RASGRF2: variants seen among roughly 807,000 people sequenced by gnomAD.
RASGRF2 encodes the protein Ras protein specific guanine nucleotide releasing factor 2, also known as ras-specific guanine nucleotide-releasing factor 2.
Under a neutral mutation model 151.0 loss-of-function variants are expected in RASGRF2, and 76 were observed. The observed-to-expected ratio is 0.50, with a 90% CI of 0.42 to 0.61. The LOEUF (loss-of-function observed/expected upper bound fraction) is 0.61. Among genes scored for constraint, RASGRF2 ranks in the 20% least tolerant of loss-of-function variants. The probability of loss-of-function intolerance (pLI) is 0.00; values close to 1 mark genes in which losing one functional copy is unlikely to be tolerated. For synonymous variants in RASGRF2, 504 were observed against 566.5 expected, an observed-to-expected ratio of 0.89 and a Z score of 1.57; for missense variants, 1,148 against 1,564.6, an observed-to-expected ratio of 0.73 and a Z score of 4.49.
chr5:81,183,564 T>C lies in RASGRF2; in HGVS notation c.2793+3283T>C, dbSNP rs150969521. Among the ~76,000 whole-genome samples the C allele has an allele frequency of 2.7e-3, 405 of 152,370 alleles. 1 individual carries two copies. Among genetic ancestry groups the C allele is most frequent in the African/African-American group, 9.4e-3 (392 of 41,594 alleles). On this transcript the variant is annotated intron_variant, in intron 18 of 26. Coordinates refer to ENST00000265080, the MANE Select transcript of RASGRF2 (RefSeq NM_006909.3). ...AGGGGGTTCTAAAAATCTTCCTATGTGAATACATTCTGGCCTATTGCTCCT... is the reference window on the plus strand; with the variant it reads ...AGGGGGTTCTAAAAATCTTCCTATGCGAATACATTCTGGCCTATTGCTCCT...
intron 19 of RASGRF2, among the ~76,000 whole-genome samples, chr5:81,202,747 TAAG>T (rs1755425680): frequency 6.6e-6 from 1 of 152,222 alleles, no homozygotes. Flanking sequence ...GGTGTCCTTA[TAAG>T]AAGTCAACCA....
chr5:81,129,796 C>A (rs921505236), intron 17 of RASGRF2, among the ~76,000 whole-genome samples: 4 of 152,064 alleles, frequency 2.6e-5, no homozygotes, highest in African/African-American at 7.2e-5. Flanking sequence ...CGCTAGTCTG[C>A]CTTTGGAAAA....
At chr5:81,085,271 C>CA (rs57811063) in intron 7 of RASGRF2, among the ~76,000 whole-genome samples, 41,531 of 151,962 alleles carry the variant, frequency 0.27, 5,796 homozygotes, top group Middle Eastern at 0.47. Context: ...AACAAAAGTA[C>CA]AAATAAATAA....
intron 17 of RASGRF2, among the ~76,000 whole-genome samples, chr5:81,153,629 T>G (rs1049567635): frequency 4.6e-5 from 7 of 152,174 alleles, no homozygotes; most frequent in African/African-American, 1.2e-4. Flanking sequence ...ACTAAATTCA[T>G]GGTAATTTGT....
Position 81,068,090 on chromosome 5 carries a change from C to T in RASGRF2, c.454C>T (p.Gln152Ter). 6.2e-7 allele frequency: 1 copy of T among 1,613,512 alleles called. No homozygotes were observed. Among genetic ancestry groups the T allele is most frequent in the Non-Finnish European group, 8.5e-7 (1 of 1,179,666 alleles). ...AATGCAGAAGTACATTCATCTAGTT[C>T]AGATCGTAGAGACAGAAAAAATTGC... The part of the protein sequence containing the change: ...VLMQKYIHLV[Q>*]IVETEKIAAN... Residue 152 changes from glutamine to a stop codon, truncating the protein, a stop_gained, in exon 3 of 27, where the codon CAG becomes TAG. Transcript: ENST00000265080. LOFTEE classifies it high-confidence loss of function.
At chr5:81,125,806 T>A (rs1753437625) in intron 16 of RASGRF2, among the ~76,000 whole-genome samples, 1 of 152,270 alleles carries the variant, frequency 6.6e-6, no homozygotes, top group Non-Finnish European at 1.5e-5. Context: ...ATCCTTTGTT[T>A]CTTCCCTGAT....
intron 16 of RASGRF2, among the ~76,000 whole-genome samples, chr5:81,125,356 A>C (rs1355515707): frequency 6.6e-6 from 1 of 152,180 alleles, no homozygotes. Context: ...GGCTGTTGTT[A>C]GATGTCTGCC....
Position 81,216,006 on chromosome 5 carries a change from A to G in RASGRF2, c.3434+51A>G, listed in dbSNP as rs531501786. On this transcript the variant is annotated intron_variant, in intron 24 of 26. Transcript: ENST00000265080. ...ATTCATAATTCAGAAATATATTTAC[A>G]TAATGTATATAGTATACAAACAGTG... The G allele has an allele frequency of 6.1e-5, 86 of 1,413,332 alleles. No homozygotes were observed. The South Asian group carries it at 1.2e-3, about 19-fold the overall frequency. The allele number at this position is 1,413,332 out of a possible 1,614,324, so 87.5% of individuals were successfully genotyped here. A position where few individuals can be genotyped will look rare whatever the true frequency, so the allele number is the denominator to read the frequency against.
At chr5:80,971,018 C>T (rs1170608055) in intron 1 of RASGRF2, among the ~76,000 whole-genome samples, 1 of 152,080 alleles carries the variant, frequency 6.6e-6, no homozygotes, top group Non-Finnish European at 1.5e-5. Context: ...TTTTTCTTTA[C>T]TTTTTTATAT....
At chr5:80,999,651 T>C (rs1026597186) in intron 1 of RASGRF2, among the ~76,000 whole-genome samples, 3 of 152,170 alleles carry the variant, frequency 2.0e-5, no homozygotes, top group African/African-American at 7.2e-5. Context: ...AAGCCAACCA[T>C]ACCAGGCCAA....
chr5:80,969,815 C>CTTTTTT lies in RASGRF2; in HGVS notation c.288+8812_288+8817dup, dbSNP rs10584906. 5.5e-3 allele frequency among the ~76,000 whole-genome samples: 426 copies of CTTTTTT among 76,934 alleles called. 41 individuals are homozygous for CTTTTTT. The highest frequency in any genetic ancestry group is 0.019 in the African/African-American group (283 of 14,816). The allele number at this position is 76,934 out of a possible 152,430, so 50.5% of individuals were successfully genotyped here. On this transcript the variant is annotated intron_variant, in intron 1 of 26. Coordinates refer to ENST00000265080, the MANE Select transcript of RASGRF2 (RefSeq NM_006909.3). ...ACAGATGCCAATAATACTTCTTCTTCTTTTTTTTTTTTTTTTTTTTTTTTT... is the reference window on the plus strand; with the variant it reads ...ACAGATGCCAATAATACTTCTTCTTCTTTTTTTTTTTTTTTTTTTTTTTTTTTTTTT...
chr5:81,036,572 T>A (rs1750502311), intron 1 of RASGRF2, among the ~76,000 whole-genome samples: 1 of 152,184 alleles, frequency 6.6e-6, no homozygotes, highest in African/African-American at 2.4e-5. Context: ...ATGTCCTTAT[T>A]TTTTGGTAAA....
rs1049489887 is a variant in RASGRF2, at chr5:81,081,460, C to T, written c.1161+671C>T. Among the ~76,000 whole-genome samples, 9 of 152,124 alleles carry T rather than the reference C, an allele frequency of 5.9e-5. No individual in the cohort carries two copies. The South Asian group carries it at 1.7e-3, about 28-fold the overall frequency. ...TTCTTTCCTGGATCTAGGACTTTAC[C>T]GTTAAGCGCCCAGAAGTGAGAACCA... On this transcript the variant is annotated intron_variant, in intron 7 of 26. Coordinates refer to ENST00000265080, the MANE Select transcript of RASGRF2 (RefSeq NM_006909.3).
rs1177814872 is a variant in RASGRF2 at position 81,078,802 on chromosome 5, C to T, written c.888-1319C>T. Among the ~76,000 whole-genome samples, 6 of 152,264 alleles carry T rather than the reference C, an allele frequency of 3.9e-5. No individual in the cohort carries two copies. The East Asian group carries it at 5.8e-4, about 15-fold the overall frequency. ...TTCAACATAGGACAGAGAAATCCCT[C>T]GCTGAGTGGAGGGAATTCACTGCTT... On this transcript the variant is annotated intron_variant, in intron 5 of 26. Coordinates refer to ENST00000265080, the MANE Select transcript of RASGRF2 (RefSeq NM_006909.3).
intron 3 of RASGRF2, chr5:81,069,885 T>C (rs1751721211): frequency 6.5e-6 from 1 of 152,824 alleles, no homozygotes; most frequent in Non-Finnish European, 1.5e-5. Context: ...AGTCTTGAAA[T>C]GCCCCTCACA....
At chr5:81,165,114 A>G (rs1488325405) in intron 17 of RASGRF2, among the ~76,000 whole-genome samples, 4 of 152,158 alleles carry the variant, frequency 2.6e-5, no homozygotes, top group East Asian at 1.9e-4. Context: ...AGGTTTCACA[A>G]CTGTGTACAG....
intron 18 of RASGRF2, among the ~76,000 whole-genome samples, chr5:81,186,674 A>G (rs1755033530): frequency 6.6e-6 from 1 of 152,204 alleles, no homozygotes; most frequent in Non-Finnish European, 1.5e-5. Flanking sequence ...CTGAGGTAGA[A>G]GACAGGAATT....
At chr5:81,091,269 C>T (rs1039619049) in intron 9 of RASGRF2, among the ~76,000 whole-genome samples, 1 of 152,208 alleles carries the variant, frequency 6.6e-6, no homozygotes, top group Non-Finnish European at 1.5e-5. Flanking sequence ...TCCCTAACTT[C>T]TGCCTCCTGC....
chr5:81,127,440 T>C (rs1753488517), intron 17 of RASGRF2, among the ~76,000 whole-genome samples: 1 of 152,014 alleles, frequency 6.6e-6, no homozygotes, highest in Non-Finnish European at 1.5e-5. Flanking sequence ...GAAAAATCAC[T>C]TGAGGCCAGG....
Sources: gnomAD v4.1 joint callset for allele counts (sites outside exome capture counted in the v4.1 genomes callset) on GRCh38, gnomAD v4.1.1 for gene constraint, MANE v1.5 for transcripts, NCBI Gene and HGNC (gene_info 2026-07-23, HGNC 2026-07-21) for gene names.